Variants in CD163L1 observed in about 807,000 individuals in gnomAD.
CD163L1 encodes the protein scavenger receptor cysteine-rich type 1 protein M160.
CD163L1 carries 124 observed loss-of-function variants against 165.4 expected under a neutral mutation model. That is an observed-to-expected ratio of 0.75 (90% CI 0.65 to 0.87). CD163L1 has a LOEUF of 0.87. CD163L1 is among the 40% of genes least tolerant of loss of function. The pLI is 0.00. For synonymous variants in CD163L1, 585 were observed against 662.2 expected, an observed-to-expected ratio of 0.88 and a Z score of 1.79; for missense variants, 1,525 against 1,799.9, an observed-to-expected ratio of 0.85 and a Z score of 2.76.
intron 2 of CD163L1, chr12:7,438,940 T>A (rs59581534): frequency 0.064 from 102,937 of 1,606,560 alleles, 6,266 homozygotes; most frequent in African/African-American, 0.28. Context: ...TCTCTAAGAA[T>A]GCGTTCTTGT....
intron 4 of CD163L1, among the ~76,000 whole-genome samples, chr12:7,424,645 T>A (rs1204890068): frequency 6.6e-6 from 1 of 152,184 alleles, no homozygotes; most frequent in African/African-American, 2.4e-5. Flanking sequence ...AGTCTCAGCA[T>A]ACAAAATCAA....
chr12:7,380,757 T>G (rs369368082), intron 8 of CD163L1, among the ~76,000 whole-genome samples: 201 of 152,230 alleles, frequency 1.3e-3, no homozygotes, highest in African/African-American at 4.7e-3. Context: ...TATTACCATC[T>G]GTTCCCTAAA....
Position 7,368,186 on chromosome 12 carries a change from G to T in CD163L1, c.4084C>A (p.Leu1362Ile), listed in dbSNP as rs774335942. 2 of 1,576,448 alleles carry T rather than the reference G, an allele frequency of 1.3e-6. No homozygotes were observed. Among genetic ancestry groups the T allele is most frequent in the Non-Finnish European group, 8.7e-7 (1 of 1,146,094 alleles). Residue 1362 changes from leucine to isoleucine, a missense_variant, in exon 17 of 20, where the codon CTT (leucine) becomes ATT (isoleucine). Leu to Ile is a conservative substitution (Grantham distance 5). Coordinates refer to ENST00000313599, the MANE Select transcript of CD163L1 (RefSeq NM_174941.6). This position sits in a 1 kb window ranked among gnomAD's most constrained non-coding sequence, Gnocchi z 4.3. ...SLNASSGHLA[L>I]ILSSIFGLLL... ...AGCCCAAAGATACTGGATAAAATAA[G>T]TGCTAAATGACCTGTATAGAAATTA...
the CD163L1 span, among the ~76,000 whole-genome samples, chr12:7,333,265 A>G: frequency 6.6e-6 from 1 of 152,206 alleles, no homozygotes; most frequent in Non-Finnish European, 1.5e-5. Flanking sequence ...GCAAATGTAA[A>G]AGAACAAAAA....
At chr12:7,328,453 C>T in the CD163L1 span, 5 of 1,105,766 alleles carry the variant, frequency 4.5e-6, no homozygotes, top group Non-Finnish European at 6.2e-6. Flanking sequence ...AGCGACTACT[C>T]TCTTAAAATG....
chr12:7,337,914 C>A, the CD163L1 span, among the ~76,000 whole-genome samples: 18,531 of 152,136 alleles, frequency 0.12, 1,509 homozygotes, highest in South Asian at 0.3. Context: ...TGGAGCCAAC[C>A]CAAATGTCCA....
Position 7,399,301 on chromosome 12 carries a change from CTT to C in CD163L1, c.1409-719_1409-718del, listed in dbSNP as rs368931104. Among the ~76,000 whole-genome samples, 321 of 47,446 alleles carry C rather than the reference CTT, an allele frequency of 6.8e-3. 2 individuals are homozygous for C. In the African/African-American group the frequency reaches 0.12, roughly 17 times the overall value. 31.1% of individuals were successfully genotyped at this position (47,446 alleles called of 152,430 possible). A position where few individuals can be genotyped will look rare whatever the true frequency, so the allele number is the denominator to read the frequency against. ...TTTCTTCTTTCCTTTTCTTTCTCTC[CTT>C]TCTTTCTTTTCTTTCTTCTCTCTCT... On this transcript the variant is annotated intron_variant, in intron 6 of 19. Transcript: ENST00000313599.
the CD163L1 span, among the ~76,000 whole-genome samples, chr12:7,319,457 G>C: frequency 1.7e-4 from 26 of 152,082 alleles, no homozygotes; most frequent in East Asian, 4.8e-3. Flanking sequence ...CAGGCATGGT[G>C]GTGGGTGCCT....
intron 2 of CD163L1, chr12:7,439,679 G>C: frequency 6.2e-7 from 1 of 1,612,830 alleles, no homozygotes; most frequent in South Asian, 1.1e-5. Flanking sequence ...CTAAATTCAA[G>C]AAGCACTTCT....
intron 6 of CD163L1, among the ~76,000 whole-genome samples, chr12:7,399,624 G>A (rs1430724557): frequency 7.4e-6 from 1 of 134,764 alleles, no homozygotes; most frequent in Admixed American, 8.2e-5. Context: ...TTTCTTTTCT[G>A]TCCAGGGTCT....
At chr12:7,389,338 C>A (rs900047121) in intron 8 of CD163L1, among the ~76,000 whole-genome samples, 2 of 152,126 alleles carry the variant, frequency 1.3e-5, no homozygotes, top group Admixed American at 6.5e-5. Context: ...TTTTGATTTG[C>A]ACTTCTCTGA....
intron 8 of CD163L1, among the ~76,000 whole-genome samples, chr12:7,382,551 T>C (rs149722751): frequency 1.1e-3 from 167 of 152,046 alleles, no homozygotes; most frequent in African/African-American, 3.7e-3. Context: ...AAATGAGAGA[T>C]TCCTAGCAGT....
At chr12:7,341,819 T>C (rs1946639467), downstream of CD163L1, among the ~76,000 whole-genome samples, 1 of 152,204 alleles carries the variant, frequency 6.6e-6, no homozygotes. Context: ...CTATATGGAA[T>C]TACCTGTGAC....
chr12:7,421,529 A>ATG (rs1342969186), intron 4 of CD163L1, among the ~76,000 whole-genome samples: 4 of 131,270 alleles, frequency 3.0e-5, no homozygotes, highest in African/African-American at 1.3e-4. Flanking sequence ...ATGTACATAT[A>ATG]TACATATACG....
At position 7,384,053 on chromosome 12, in the gene CD163L1, T is replaced by A. The variant is rs182883387; in HGVS notation, c.2051-4755A>T. 1.6e-3 allele frequency among the ~76,000 whole-genome samples: 236 copies of A among 151,674 alleles called. 1 individual carries two copies. Among genetic ancestry groups the A allele is most frequent in the African/African-American group, 5.6e-3 (231 of 41,312 alleles). Reference sequence around the variant, plus strand: ...AGTGAAACACACAAAAAAACACAGATAAATAATACAAATAAATTAGAAAAA... The same window carrying A: ...AGTGAAACACACAAAAAAACACAGAAAAATAATACAAATAAATTAGAAAAA... On this transcript the variant is annotated intron_variant, in intron 8 of 19. Transcript: ENST00000313599.
In CD163L1 at chr12:7,398,450, T is replaced by G; in HGVS notation, c.1543A>C (p.Lys515Gln). 1 of 1,614,158 alleles carries G rather than the reference T, an allele frequency of 6.2e-7. No individual in the cohort carries two copies. Among genetic ancestry groups the G allele is most frequent in the Non-Finnish European group, 8.5e-7 (1 of 1,180,006 alleles). ...AAAGGCTTTCCACATCCCAATTGTT[T>G]ACAAACAACAGCTGCATTCCTTGTG... ...WSTRNAAVVC[K>Q]QLGCGKPLHV... The change falls in exon 7 of 20, where the codon AAA becomes CAA. Residue 515 changes from lysine (K) to glutamine (Q), a missense_variant. Physicochemically the swap from Lys to Gln is moderately conservative, Grantham distance 53. Transcript: ENST00000313599. The surrounding 1 kb of genome is among the most constrained non-coding windows in gnomAD (Gnocchi z 4.5).
At position 7,347,681 on chromosome 12, in the gene CD163L1, A is replaced by C. The variant is rs1298732927; in HGVS notation, c.*25-534T>G. ...TACTCGGAGAGGCTGAGGCAGGAGA[A>C]TGGCGTGAACCTGGGAGGCGGAGCT... On this transcript the variant is annotated intron_variant, in intron 4 of 4. Transcript: ENST00000539726. The surrounding 1 kb of genome is among the most constrained non-coding windows in gnomAD (Gnocchi z 4.2). Among the ~76,000 whole-genome samples, 1 of 151,908 alleles carries C rather than the reference A, an allele frequency of 6.6e-6. No homozygotes were observed. Among genetic ancestry groups the C allele is most frequent in the Non-Finnish European group, 1.5e-5 (1 of 67,988 alleles).
intron 17 of CD163L1, chr12:7,367,583 C>T (rs914075955): frequency 6.3e-5 from 19 of 303,854 alleles, no homozygotes; most frequent in Admixed American, 8.7e-5. Context: ...ATTTTTCATA[C>T]AGATGATTAA....
At chr12:7,423,608 A>G (rs1948482649) in intron 4 of CD163L1, among the ~76,000 whole-genome samples, 1 of 152,156 alleles carries the variant, frequency 6.6e-6, no homozygotes. Flanking sequence ...GAAAAGAGAG[A>G]AGAATCATAT....
Sources: allele counts gnomAD v4.1 joint callset (sites outside exome capture counted in the v4.1 genomes callset), GRCh38; gene constraint gnomAD v4.1.1; non-coding constraint Gnocchi (gnomAD v3.1); transcripts MANE v1.5; gene names NCBI Gene and HGNC (gene_info 2026-07-23, HGNC 2026-07-21).